The following NAV2 variants were observed in gnomAD, a reference collection of about 807,000 sequenced individuals.
NAV2 encodes helicase, APC down-regulated 1.
A neutral mutation model predicts 223.2 loss-of-function variants in NAV2; 54 were observed. That is an observed-to-expected ratio of 0.24 (90% CI 0.19 to 0.30). NAV2 has a LOEUF of 0.30. Among genes scored for constraint, NAV2 ranks in the 10% least tolerant of loss-of-function variants. The pLI is 1.00. For synonymous variants in NAV2, 1,279 were observed against 1,239.3 expected (o/e 1.03, Z -0.67); for missense variants, 2,806 against 3,147.5 (o/e 0.89, Z 2.60).
At chr11:19,365,268 A>G (rs1029711972) in intron 1 of NAV2, among the ~76,000 whole-genome samples, 1 of 152,108 alleles carries the variant, frequency 6.6e-6, no homozygotes, top group Admixed American at 6.5e-5. Context: ...TCACATTTCT[A>G]TCCATTTGAA....
chr11:19,442,798 A>C (rs1851451464), intron 1 of NAV2, among the ~76,000 whole-genome samples: 1 of 152,200 alleles, frequency 6.6e-6, no homozygotes, highest in African/African-American at 2.4e-5. Flanking sequence ...GCTATATAAA[A>C]AGTATCATTC....
chr11:19,716,062 C>A (rs1187120760), intron 1 of NAV2, among the ~76,000 whole-genome samples: 1 of 133,414 alleles, frequency 7.5e-6, no homozygotes, highest in African/African-American at 2.8e-5. Flanking sequence ...CATTCCCCCT[C>A]CAAAACAGTC....
At chr11:19,940,069 A>G (rs2046281521) in intron 8 of NAV2, among the ~76,000 whole-genome samples, 1 of 152,044 alleles carries the variant, frequency 6.6e-6, no homozygotes, top group African/African-American at 2.4e-5. Context: ...GGGGCTCTGG[A>G]CTGCACTGAT....
At chr11:19,589,173 A>G (rs1302907154) in intron 1 of NAV2, among the ~76,000 whole-genome samples, 1 of 152,224 alleles carries the variant, frequency 6.6e-6, no homozygotes, top group African/African-American at 2.4e-5. Flanking sequence ...TCCTAAGATG[A>G]TATGGTTACA....
At chr11:20,089,681 C>T (rs1471675271) in intron 26 of NAV2, among the ~76,000 whole-genome samples, 4 of 152,198 alleles carry the variant, frequency 2.6e-5, no homozygotes, top group Non-Finnish European at 4.4e-5. Context: ...TTCTGGATCA[C>T]CCAGTAACCC....
At chr11:19,433,099 C>T (rs1386454) in intron 1 of NAV2, among the ~76,000 whole-genome samples, 139,676 of 152,192 alleles carry the variant, frequency 0.92, 64,123 homozygotes, top group Middle Eastern at 0.95. Flanking sequence ...GGGGCAGAGA[C>T]AAGGAAAAGA....
chr11:19,579,041 A>G (rs151126170), intron 1 of NAV2, among the ~76,000 whole-genome samples: 2 of 152,302 alleles, frequency 1.3e-5, no homozygotes, highest in African/African-American at 4.8e-5. Context: ...GTACAAGTAG[A>G]GCCAGAATTT....
intron 1 of NAV2, among the ~76,000 whole-genome samples, chr11:19,536,087 T>C (rs2044179367): frequency 6.6e-6 from 1 of 152,190 alleles, no homozygotes; most frequent in African/African-American, 2.4e-5. Context: ...AAGCTACAAT[T>C]TACTTGGCAA....
intron 11 of NAV2, among the ~76,000 whole-genome samples, chr11:20,035,177 C>A (rs2056227663): frequency 1.3e-5 from 2 of 151,744 alleles, no homozygotes; most frequent in Non-Finnish European, 2.9e-5. Context: ...GCAGCATTGA[C>A]CGCACCATGA....
intron 1 of NAV2, among the ~76,000 whole-genome samples, chr11:19,658,027 C>T (rs965069094): frequency 6.6e-6 from 1 of 152,160 alleles, no homozygotes; most frequent in African/African-American, 2.4e-5. Context: ...TACTATGTAA[C>T]AGACACTGTT....
At chr11:20,113,295 T>G (rs2153723383) in intron 36 of NAV2, among the ~76,000 whole-genome samples, 1 of 152,250 alleles carries the variant, frequency 6.6e-6, no homozygotes, top group East Asian at 1.9e-4. Flanking sequence ...TGGCACAAAG[T>G]CAGCTGGAAG....
intron 1 of NAV2, among the ~76,000 whole-genome samples, chr11:19,702,793 ATAATAATAATAG>A (rs71050680): frequency 0.16 from 11,970 of 76,228 alleles, 719 homozygotes; most frequent in Admixed American, 0.23. Flanking sequence ...AATAATAATA[ATAATAATAATAG>A]TAATAATAAT....
chr11:19,714,857 CCTT>C lies in NAV2; in HGVS notation c.267+901_267+903del, dbSNP rs1411838247. On this transcript the variant is annotated intron_variant, in intron 1 of 37. Transcript: ENST00000349880. ...CTTGGTCCTCCCCGCTCCATTTCCC[CCTT>C]CTTCTGGTAGGAGGGGGCTATATTT... Among the ~76,000 whole-genome samples, 16 of 152,294 alleles carry C rather than the reference CCTT, an allele frequency of 1.1e-4. No homozygotes were observed. The East Asian group carries it at 2.9e-3, about 28-fold the overall frequency.
rs766233232 is a variant in NAV2 at position 20,049,919 on chromosome 11, C to T, written c.4436+18C>T. 1.4e-5 allele frequency: 23 copies of T among 1,612,746 alleles called. No homozygotes were observed. The highest frequency in any genetic ancestry group is 1.3e-4 in the African/African-American group (10 of 74,866). The stretch of plus-strand genomic sequence containing the variant: ...CAGGACAGGTAATGACATTGCAGGC[C>T]GGGGACCAACCGAGCCTCTAGGTTC... On this transcript the variant is annotated intron_variant, in intron 16 of 37. Transcript: ENST00000349880.
chr11:19,942,211 A>G (rs2046462885), intron 8 of NAV2, among the ~76,000 whole-genome samples: 1 of 152,164 alleles, frequency 6.6e-6, no homozygotes, highest in South Asian at 2.1e-4. Context: ...TCCTACATTC[A>G]GGTCATTGTC....
rs1036816130 is a variant in NAV2 at position 19,417,968 on chromosome 11, A to G, written c.75+66941A>G. Reference sequence around the variant, plus strand: ...GGAATATCACACACTGGGGCCTGTCAGGGGATGGGCGTCTAGGGGAGGGAT... The same window carrying G: ...GGAATATCACACACTGGGGCCTGTCGGGGGATGGGCGTCTAGGGGAGGGAT... On this transcript the variant is annotated intron_variant, in intron 1 of 37. Coordinates refer to the NAV2 transcript ENST00000360655. Among the ~76,000 whole-genome samples, 58 of 152,120 alleles carry G rather than the reference A, an allele frequency of 3.8e-4. 1 individual carries two copies. Among genetic ancestry groups the G allele is most frequent in the African/African-American group, 1.4e-3 (56 of 41,426 alleles).
chr11:20,050,837 G>A (rs1363198604), intron 16 of NAV2, among the ~76,000 whole-genome samples: 8 of 152,182 alleles, frequency 5.3e-5, no homozygotes, highest in Admixed American at 3.9e-4. Flanking sequence ...CAACAAGTCT[G>A]TTCTCCCATT....
At chr11:19,607,443 G>A (rs1364164033) in intron 1 of NAV2, among the ~76,000 whole-genome samples, 1 of 152,232 alleles carries the variant, frequency 6.6e-6, no homozygotes, top group Non-Finnish European at 1.5e-5. Context: ...CTTTCTAAGT[G>A]GAGCTAGGAT....
intron 1 of NAV2, among the ~76,000 whole-genome samples, chr11:19,468,535 C>T (rs1449356863): frequency 6.6e-6 from 1 of 152,168 alleles, no homozygotes; most frequent in East Asian, 1.9e-4. Flanking sequence ...TCTCTCTCCT[C>T]TTCTTATAAG....
Sources: gnomAD v4.1 joint callset for allele counts (sites outside exome capture counted in the v4.1 genomes callset) on GRCh38, gnomAD v4.1.1 for gene constraint, MANE v1.5 for transcripts, NCBI Gene and HGNC (gene_info 2026-07-23, HGNC 2026-07-21) for gene names.